The following NRXN3 variants were observed in gnomAD, a reference collection of about 807,000 sequenced individuals.
NRXN3 encodes the protein neurexin III.
Under a neutral mutation model 137.6 loss-of-function variants are expected in NRXN3, and 32 were observed. That is an observed-to-expected ratio of 0.23 (90% CI 0.18 to 0.31). The LOEUF (loss-of-function observed/expected upper bound fraction) is 0.31, where lower values mean the gene tolerates loss of function less well. Ranked by LOEUF, NRXN3 falls within the 10% of genes least tolerant of loss-of-function variation. NRXN3 has a pLI of 1.00. For synonymous variants in NRXN3, 798 were observed against 784.5 expected (o/e 1.02, Z -0.29); for missense variants, 1,574 against 2,062.5 (o/e 0.76, Z 4.59).
intron 10 of NRXN3, among the ~76,000 whole-genome samples, chr14:78,900,162 C>A (rs1332094113): frequency 6.6e-6 from 1 of 151,970 alleles, no homozygotes; most frequent in Non-Finnish European, 1.5e-5. Flanking sequence ...AATGTTCTGA[C>A]ACCATTTTTT....
intron 15 of NRXN3, among the ~76,000 whole-genome samples, chr14:79,307,193 C>T (rs952164484): frequency 3.9e-5 from 6 of 151,978 alleles, no homozygotes; most frequent in African/African-American, 1.2e-4. Flanking sequence ...TCCTAATTTC[C>T]TCATATGGAA....
chr14:78,896,957 A>T (rs182215299), intron 10 of NRXN3, among the ~76,000 whole-genome samples: 1 of 151,856 alleles, frequency 6.6e-6, no homozygotes, highest in African/African-American at 2.4e-5. Flanking sequence ...AGAGTTTGGC[A>T]AACTATGATT....
intron 15 of NRXN3, among the ~76,000 whole-genome samples, chr14:79,245,866 T>A (rs1165561472): frequency 6.6e-6 from 1 of 152,108 alleles, no homozygotes; most frequent in African/African-American, 2.4e-5. Context: ...ACATAAATTG[T>A]TTTTAAAGGA....
intron 19 of NRXN3, among the ~76,000 whole-genome samples, chr14:79,741,519 C>T (rs1255388077): frequency 1.3e-5 from 2 of 151,934 alleles, no homozygotes; most frequent in Non-Finnish European, 2.9e-5. Context: ...CAGTCTTGCT[C>T]TGTCACCCAG....
intron 16 of NRXN3, among the ~76,000 whole-genome samples, chr14:79,510,715 A>G: frequency 6.6e-6 from 1 of 152,220 alleles, no homozygotes; most frequent in East Asian, 1.9e-4. Context: ...GACTCTGCCT[A>G]AAGCAGTCTA....
At chr14:79,708,875 G>A (rs1318802673) in intron 19 of NRXN3, among the ~76,000 whole-genome samples, 2 of 152,148 alleles carry the variant, frequency 1.3e-5, no homozygotes, top group Admixed American at 1.3e-4. Flanking sequence ...CACGTCTGTG[G>A]TGGCTAGCAG....
intron 15 of NRXN3, among the ~76,000 whole-genome samples, chr14:79,294,664 A>T (rs940888084): frequency 1.3e-5 from 2 of 152,194 alleles, no homozygotes; most frequent in African/African-American, 4.8e-5. Flanking sequence ...AGAATCTTGT[A>T]CAGAATTTCT....
At chr14:78,727,151 C>T (rs532873225) in intron 8 of NRXN3, among the ~76,000 whole-genome samples, 25 of 152,268 alleles carry the variant, frequency 1.6e-4, no homozygotes, top group Middle Eastern at 3.4e-3. Flanking sequence ...AACCAGTTCT[C>T]ACCTATTGTG....
intron 16 of NRXN3, among the ~76,000 whole-genome samples, chr14:79,573,518 G>T (rs190249362): frequency 1.3e-5 from 2 of 152,032 alleles, no homozygotes; most frequent in Admixed American, 6.6e-5. Flanking sequence ...GAAACCACTC[G>T]CAGGCCAGCA....
chr14:79,838,165 A>G (rs2099348264), intron 20 of NRXN3, among the ~76,000 whole-genome samples: 1 of 152,198 alleles, frequency 6.6e-6, no homozygotes, highest in South Asian at 2.1e-4. Flanking sequence ...CTTAAAAGTC[A>G]TAAAGTACTA....
chr14:79,128,331 A>C (rs1214622939), intron 15 of NRXN3, among the ~76,000 whole-genome samples: 1 of 145,386 alleles, frequency 6.9e-6, no homozygotes, highest in Non-Finnish European at 1.5e-5. Context: ...GATAGCTCTT[A>C]TTATTTTGAG....
At chr14:79,852,281 CT>C (rs2099393473) in intron 20 of NRXN3, among the ~76,000 whole-genome samples, 4 of 75,796 alleles carry the variant, frequency 5.3e-5, no homozygotes, top group African/African-American at 1.1e-4. Flanking sequence ...ACACACACAC[CT>C]CTCACATGCT....
intron 4 of NRXN3, among the ~76,000 whole-genome samples, chr14:78,445,673 C>T (rs2094398895): frequency 6.6e-6 from 1 of 152,238 alleles, no homozygotes; most frequent in Middle Eastern, 3.4e-3. Context: ...ACTGTGAGCT[C>T]CATGATGGGA....
At chr14:78,467,195 G>C (rs776283300) in intron 4 of NRXN3, among the ~76,000 whole-genome samples, 1 of 151,952 alleles carries the variant, frequency 6.6e-6, no homozygotes, top group Non-Finnish European at 1.5e-5. Flanking sequence ...CTCATGCCAT[G>C]GTCACTCACA....
intron 4 of NRXN3, among the ~76,000 whole-genome samples, chr14:78,499,787 G>T (rs1489031296): frequency 2.0e-5 from 3 of 152,144 alleles, no homozygotes; most frequent in South Asian, 2.1e-4. Context: ...GTTCCTAGCT[G>T]GCTGTTCACT....
At chr14:78,753,132 T>C (rs1337859955) in intron 8 of NRXN3, among the ~76,000 whole-genome samples, 1 of 152,164 alleles carries the variant, frequency 6.6e-6, no homozygotes, top group Non-Finnish European at 1.5e-5. Context: ...AACAGGAGAC[T>C]TGAGTGATGG....
chr14:78,266,024 TACAATGA>T (rs764781113), intron 2 of NRXN3, among the ~76,000 whole-genome samples: 1 of 152,198 alleles, frequency 6.6e-6, no homozygotes, highest in Non-Finnish European at 1.5e-5. Flanking sequence ...AATGAACCTG[TACAATGA>T]AAGGAATGGA....
chr14:78,690,726 A>G (rs574054928), intron 6 of NRXN3, among the ~76,000 whole-genome samples: 43 of 152,332 alleles, frequency 2.8e-4, no homozygotes, highest in Admixed American at 1.2e-3. Flanking sequence ...ATATCTACAC[A>G]AATTTGAGCT....
At chr14:79,771,207 C>T (rs1204546928) in intron 19 of NRXN3, among the ~76,000 whole-genome samples, 1 of 152,156 alleles carries the variant, frequency 6.6e-6, no homozygotes, top group African/African-American at 2.4e-5. Context: ...CAAGGAGGAA[C>T]TGGTACCATT....
Sources: allele counts gnomAD v4.1 joint callset (sites outside exome capture counted in the v4.1 genomes callset), GRCh38; gene constraint gnomAD v4.1.1; transcripts MANE v1.5; gene names NCBI Gene and HGNC (gene_info 2026-07-23, HGNC 2026-07-21).